The following PLCH2 variants were observed in gnomAD, a reference collection of about 807,000 sequenced individuals.
PLCH2 encodes phospholipase C eta 2.
PLCH2 carries 98 observed loss-of-function variants against 134.7 expected under a neutral mutation model. That is an observed-to-expected ratio of 0.73 (90% confidence interval 0.62 to 0.86). The LOEUF (loss-of-function observed/expected upper bound fraction) is 0.86. Among genes scored for constraint, PLCH2 ranks in the 40% least tolerant of loss-of-function variants. The probability of loss-of-function intolerance (pLI) is 0.00; values close to 1 mark genes in which losing one functional copy is unlikely to be tolerated. For missense variants in PLCH2, 1,994 were observed against 1,986.6 expected (o/e 1.00, Z -0.07); for synonymous variants, 974 against 827.5 (o/e 1.18, Z -3.04).
At chr1:2,436,344 T>TTTCCTCC (rs1243761210) in intron 2 of PLCH2, among the ~76,000 whole-genome samples, 1 of 2,148 alleles carries the variant, frequency 4.7e-4, no homozygotes, top group African/African-American at 1.3e-3. Flanking sequence ...TCCCTCCACC[T>TTTCCTCC]TTCCTCCCTT....
At chr1:2,433,338 T>C (rs1458091954) in intron 2 of PLCH2, among the ~76,000 whole-genome samples, 1 of 152,182 alleles carries the variant, frequency 6.6e-6, no homozygotes, top group Non-Finnish European at 1.5e-5. Flanking sequence ...CTCCCTGGCA[T>C]CTCCATGTGG....
chr1:2,427,041 A>G (rs1638832193), intron 1 of PLCH2, among the ~76,000 whole-genome samples: 1 of 152,190 alleles, frequency 6.6e-6, no homozygotes, highest in Non-Finnish European at 1.5e-5. Context: ...GCTCACTGGC[A>G]TGGGGCCTGG....
intron 2 of PLCH2, among the ~76,000 whole-genome samples, chr1:2,457,879 G>GAAAAAAAAA (rs5772068): frequency 9.0e-6 from 1 of 110,792 alleles, no homozygotes; most frequent in Non-Finnish European, 2.0e-5. Context: ...TTTTAGACCT[G>GAAAAAAAAA]AAAAAAAAAA....
At chr1:2,463,799 G>A (rs1257518999), upstream of PLCH2, among the ~76,000 whole-genome samples, 1 of 152,234 alleles carries the variant, frequency 6.6e-6, no homozygotes, top group Non-Finnish European at 1.5e-5. Context: ...CCTCCCCATG[G>A]CCTGAGCCAA....
chr1:2,423,612 T>A, upstream of PLCH2, among the ~76,000 whole-genome samples: 1 of 152,080 alleles, frequency 6.6e-6, no homozygotes, highest in South Asian at 2.1e-4. Flanking sequence ...GGTCACTGAC[T>A]TGTTGGGGTA....
chr1:2,489,975 A>G (rs1642481682), intron 10 of PLCH2, 108 bp downstream of exon 10: 14 of 844,640 alleles, frequency 1.7e-5, no homozygotes, highest in East Asian at 2.5e-5. Context: ...TCCGGGAGAG[A>G]GGGACATTGG....
chr1:2,502,272 G>C lies in PLCH2; in HGVS notation c.2822G>C (p.Arg941Pro). 1 of 1,539,368 alleles carries C rather than the reference G, an allele frequency of 6.5e-7. No homozygotes were observed. The highest frequency in any genetic ancestry group is 8.7e-7 in the Non-Finnish European group (1 of 1,143,728). The change falls in exon 21 of 22, where the codon CGC (arginine) becomes CCC (proline). Residue 941 changes from arginine (R) to proline (P), a missense_variant. By Grantham distance (103) the Arg-to-Pro change is moderately radical. Around this residue, in one of 2 missense-constraint regions of PLCH2, gnomAD observed 900 missense variants for 752.3 expected, o/e 1.20. Coordinates refer to ENST00000378486, the MANE Select transcript of PLCH2 (RefSeq NM_014638.4). ...SAPTKSQKPG[R>P]RGFPELVLGT... ...CCGACCAAGAGCCAGAAGCCGGGCC[G>C]CAGGGGCTTCCCGGAGCTGGTCCTG...
At chr1:2,445,705 G>C (rs1349198135) in intron 2 of PLCH2, among the ~76,000 whole-genome samples, 1 of 152,136 alleles carries the variant, frequency 6.6e-6, no homozygotes, top group Non-Finnish European at 1.5e-5. Context: ...GGTGGTGGTG[G>C]GGGCCTGGCA....
In PLCH2 at chr1:2,496,994, C is replaced by A. The variant is rs761164722; in HGVS notation, c.2100C>A (p.Asn700Lys). The part of the protein sequence containing the change: ...SSNYNPQPFW[N>K]AGCQMVALNY... ...ACTACAACCCGCAGCCCTTCTGGAA[C>A]GCCGGCTGCCAAATGGGTGGGTGCG... Residue 700 changes from asparagine (N) to lysine (K), a missense_variant, in exon 15 of 22, where the codon AAC (asparagine) becomes AAA (lysine). This residue lies in a region of PLCH2 where 1,094 missense variants were observed against 1,234.3 expected (regional missense o/e 0.89). Transcript: ENST00000378486. 1 of 1,612,894 alleles carries A rather than the reference C, an allele frequency of 6.2e-7. No homozygotes were observed. The highest frequency in any genetic ancestry group is 1.3e-5 in the African/African-American group (1 of 74,946).
rs201982091 is a variant in PLCH2 at position 2,504,571 on chromosome 1, C to T, written c.3609C>T (p.Asn1203=). 7,379 of 1,612,794 alleles carry T rather than the reference C, an allele frequency of 4.6e-3. 26 individuals carry two copies. Among genetic ancestry groups the T allele is most frequent in the Non-Finnish European group, 5.5e-3 (6,488 of 1,179,810 alleles). Residue 1203 remains asparagine, a synonymous_variant, in exon 22 of 22, where the codon AAC becomes AAT. Transcript: ENST00000378486. ...CACCTGTGACCAAGAGCAAATCCAA[C>T]CCCAACCTTCGGGCTACAGGCCAGC... The part of the protein sequence containing the change: ...DLPPVTKSKS[N]PNLRATGQRP...
intron 2 of PLCH2, among the ~76,000 whole-genome samples, chr1:2,452,693 G>T (rs1640302613): frequency 6.6e-6 from 1 of 152,220 alleles, no homozygotes; most frequent in East Asian, 1.9e-4. Flanking sequence ...GCTAGCCTAG[G>T]GTTCCCCAAC....
chr1:2,447,644 G>A (rs931756857), intron 2 of PLCH2, among the ~76,000 whole-genome samples: 9 of 152,212 alleles, frequency 5.9e-5, no homozygotes, highest in African/African-American at 1.9e-4. Context: ...GTGGGGGCAA[G>A]TTGCTGAAAT....
intron 1 of PLCH2, 59 bp downstream of exon 1, chr1:2,476,771 G>A: frequency 6.6e-7 from 1 of 1,510,402 alleles, no homozygotes; most frequent in Non-Finnish European, 8.8e-7. Flanking sequence ...GGTGACTGGT[G>A]GGTGGGGGCT....
At position 2,479,994 on chromosome 1, in the gene PLCH2, A is replaced by G. The variant is rs781601441; in HGVS notation, c.515+17A>G. On this transcript the variant is annotated intron_variant, in intron 3 of 21. Coordinates refer to ENST00000378486, the MANE Select transcript of PLCH2 (RefSeq NM_014638.4). ...CAGGGACCAATATCCTTGGGCACCT[A>G]TCGGGCAATGCAGACCCAGGGACCG... 1 of 1,600,062 alleles carries G rather than the reference A, an allele frequency of 6.2e-7. No individual in the cohort carries two copies. The highest frequency in any genetic ancestry group is 1.1e-5 in the South Asian group (1 of 90,776).
intron 2 of PLCH2, among the ~76,000 whole-genome samples, chr1:2,457,345 T>G (rs1640543846): frequency 6.6e-6 from 1 of 151,802 alleles, no homozygotes; most frequent in Admixed American, 6.6e-5. Flanking sequence ...GGCTGGGACC[T>G]GTGAGTGGCC....
chr1:2,444,367 G>A lies in PLCH2; in HGVS notation c.115+13738G>A, dbSNP rs1639841236. On this transcript the variant is annotated intron_variant, in intron 2 of 3. Coordinates refer to the PLCH2 transcript ENST00000609981. The surrounding 1 kb of genome is among the most constrained non-coding windows in gnomAD (Gnocchi z 4.6). Reference sequence around the variant, plus strand: ...GTGTGGGTCCGGGAGGTGCTGCGTGGACTTGCCGCATGGCACATCTGCCTG... The same window carrying A: ...GTGTGGGTCCGGGAGGTGCTGCGTGAACTTGCCGCATGGCACATCTGCCTG... 6.6e-6 allele frequency among the ~76,000 whole-genome samples: 1 copy of A among 152,134 alleles called. No homozygotes were observed. The highest frequency in any genetic ancestry group is 6.5e-5 in the Admixed American group (1 of 15,282).
At chr1:2,456,670 T>G (rs115845026) in intron 2 of PLCH2, among the ~76,000 whole-genome samples, 3,529 of 152,172 alleles carry the variant, frequency 0.023, 141 homozygotes, top group African/African-American at 0.08. Flanking sequence ...GGCTGTAACT[T>G]GAGGGAGCCG....
At chr1:2,489,900 G>A (rs1423611047) in intron 10 of PLCH2, 33 bp downstream of exon 10, 5 of 1,438,458 alleles carry the variant, frequency 3.5e-6, no homozygotes, top group Non-Finnish European at 4.9e-6. Flanking sequence ...GGGGGCGCGT[G>A]GAGCCTGCAG....
At chr1:2,450,661 C>G (rs1238655148) in intron 2 of PLCH2, among the ~76,000 whole-genome samples, 1 of 65,634 alleles carries the variant, frequency 1.5e-5, no homozygotes, top group African/African-American at 6.3e-5. Context: ...CTGTCTGCCC[C>G]CCTGCTCCCC....
Sources: gnomAD v4.1 joint callset for allele counts (sites outside exome capture counted in the v4.1 genomes callset) on GRCh38, gnomAD v4.1.1 for gene constraint, gnomAD v4.1.1 regional missense constraint, Gnocchi (gnomAD v3.1) non-coding constraint, MANE v1.5 for transcripts, NCBI Gene and HGNC (gene_info 2026-07-23, HGNC 2026-07-21) for gene names.